Variants in TCOF1 observed in about 807,000 individuals in gnomAD.
TCOF1 encodes the protein treacle protein.
A neutral mutation model predicts 149.0 loss-of-function variants in TCOF1; 33 were observed. The ratio of observed to expected loss-of-function variants is 0.22; its 90% confidence interval spans 0.17 to 0.30. The LOEUF is 0.30. TCOF1 is among the 10% of genes least tolerant of loss of function. TCOF1 has a pLI of 1.00. For missense variants in TCOF1, 1,728 were observed against 1,840.7 expected, an observed-to-expected ratio of 0.94 and a Z score of 1.12; for synonymous variants, 789 against 738.8, an observed-to-expected ratio of 1.07 and a Z score of -1.10.
chr5:150,398,205 A>G (rs1212596416), intron 24 of TCOF1, 149 bp from the exon 25 acceptor site: 107 of 1,525,424 alleles, frequency 7.0e-5, no homozygotes, highest in Non-Finnish European at 9.0e-5. Flanking sequence ...TGCAGGAATG[A>G]ACCTCCACGC....
chr5:150,373,032 C>T (rs1259569407), intron 7 of TCOF1, among the ~76,000 whole-genome samples: 1 of 152,158 alleles, frequency 6.6e-6, no homozygotes, highest in East Asian at 1.9e-4. Flanking sequence ...TTTGCAGTGT[C>T]TGGGGGCTAC....
intron 2 of TCOF1, 81 bp from the exon 3 acceptor site, chr5:150,364,032 A>G (rs1361116536): frequency 6.2e-7 from 1 of 1,602,784 alleles, no homozygotes; most frequent in Non-Finnish European, 8.5e-7. Context: ...AGCTGGAAGG[A>G]TGCGGGAAGG....
intron 17 of TCOF1, among the ~76,000 whole-genome samples, chr5:150,385,461 G>A (rs1766084289): frequency 1.3e-5 from 2 of 152,182 alleles, no homozygotes; most frequent in South Asian, 4.1e-4. Context: ...GGTTGGTGGG[G>A]TGGACCTTGA....
At position 150,364,814 on chromosome 5, in the gene TCOF1, A is replaced by G. The variant is rs541958384; in HGVS notation, c.304+562A>G. 518 of 155,746 alleles carry G rather than the reference A, an allele frequency of 3.3e-3. 2 individuals are homozygous for G. The highest frequency in any genetic ancestry group is 0.012 in the African/African-American group (497 of 41,568). The allele number at this position is 155,746 out of a possible 1,614,324, so 9.6% of individuals were successfully genotyped here. A position where few individuals can be genotyped will look rare whatever the true frequency, so the allele number is the denominator to read the frequency against. On this transcript the variant is annotated intron_variant, in intron 3 of 26. Transcript: ENST00000643257. ...TTTCCCCAACAGCAGCCATAACTCT[A>G]CAGAGGAATTGCTGTGTCTCCTTTG...
intron 6 of TCOF1, among the ~76,000 whole-genome samples, chr5:150,370,648 G>A (rs1010425170): frequency 3.3e-5 from 5 of 152,112 alleles, no homozygotes; most frequent in African/African-American, 9.7e-5. Flanking sequence ...GAGCCGCCAC[G>A]CCTGGCCAAA....
rs764968257 is a variant in TCOF1 at position 150,379,428 on chromosome 5, G to A, written c.2658+20G>A. 1 of 1,613,996 alleles carries A rather than the reference G, an allele frequency of 6.2e-7. No individual in the cohort carries two copies. ...GCTCAGGTGAGGGGGAGGGAATGGAGATCATCCCCTACATGGGATGTAACA... is the reference window on the plus strand; with the variant it reads ...GCTCAGGTGAGGGGGAGGGAATGGAAATCATCCCCTACATGGGATGTAACA... On this transcript the variant is annotated intron_variant, in intron 16 of 26. Transcript: ENST00000643257.
Position 150,390,010 on chromosome 5 carries a change from G to T in TCOF1, c.3170G>T (p.Gly1057Val). 1 of 1,609,302 alleles carries T rather than the reference G, an allele frequency of 6.2e-7. No homozygotes were observed. Among genetic ancestry groups the T allele is most frequent in the South Asian group, 1.1e-5 (1 of 90,738 alleles). ...SRISDGKKQE[G>V]PATQVSKKNP... is the part of the protein sequence containing the mutation. Reference sequence around the variant, plus strand: ...ATATCAGATGGCAAGAAACAGGAGGGACCAGCCACTCAGGTACCTGGTGGG... The same window carrying T: ...ATATCAGATGGCAAGAAACAGGAGGTACCAGCCACTCAGGTACCTGGTGGG... The change falls in exon 19 of 27, where the codon GGA becomes GTA. Residue 1057 changes from glycine (G) to valine (V), a missense_variant. Physicochemically the swap from Gly to Val is moderately radical, Grantham distance 109. Coordinates refer to ENST00000643257, the MANE Select transcript of TCOF1 (RefSeq NM_001371623.1).
At position 150,379,204 on chromosome 5, in the gene TCOF1, A is replaced by G. The variant is rs752635772; in HGVS notation, c.2479-25A>G. 5.6e-6 allele frequency: 9 copies of G among 1,614,144 alleles called. No individual in the cohort carries two copies. In the South Asian group the frequency reaches 9.9e-5, roughly 18 times the overall value. On this transcript the variant is annotated intron_variant, in intron 15 of 26. Transcript: ENST00000643257. ...CTGAAAGGAATCACTTTTGCCTCCA[A>G]TACTATTATCCCCCTGCAATTCAGG... is the stretch of plus-strand genomic sequence containing the variant.
intron 17 of TCOF1, chr5:150,380,143 G>A: frequency 1.7e-5 from 4 of 235,816 alleles, no homozygotes; most frequent in Non-Finnish European, 2.6e-5. Context: ...AAGAAAGGAA[G>A]GCCAGGTTAA....
At position 150,396,412 on chromosome 5, in the gene TCOF1, G is replaced by A; in HGVS notation, c.3915G>A (p.Trp1305Ter). The A allele has an allele frequency of 6.2e-7, 1 of 1,614,046 alleles. No homozygotes were observed. The highest frequency in any genetic ancestry group is 8.5e-7 in the Non-Finnish European group (1 of 1,180,032). The change falls in exon 24 of 27, where the codon TGG (tryptophan) becomes TGA (stop). Residue 1305 changes from tryptophan (W) to a stop codon, truncating the protein, a stop_gained. Transcript: ENST00000643257. LOFTEE classifies it high-confidence loss of function. ...NITQCLLGQP[W>*]PLNEAQVQAS... ...CCCAGTGCCTCCTGGGCCAACCCTG[G>A]CCCCTGAATGAGGCCCAGGTGCAGG...
At chr5:150,389,558 A>G (rs1012187490) in intron 18 of TCOF1, among the ~76,000 whole-genome samples, 2 of 152,214 alleles carry the variant, frequency 1.3e-5, no homozygotes, top group East Asian at 3.9e-4. Context: ...CTTAGGAGAG[A>G]CGATTTTAAC....
At chr5:150,385,970 G>A (rs1272150098) in intron 17 of TCOF1, among the ~76,000 whole-genome samples, 1 of 152,150 alleles carries the variant, frequency 6.6e-6, no homozygotes, top group Non-Finnish European at 1.5e-5. Flanking sequence ...GCCCAGGCTG[G>A]GATAACTACT....
chr5:150,360,826 T>C (rs902243268), intron 1 of TCOF1, among the ~76,000 whole-genome samples: 46 of 150,296 alleles, frequency 3.1e-4, no homozygotes, highest in Non-Finnish European at 5.2e-4. Flanking sequence ...AGCCTCGATA[T>C]CCTGGGCTCA....
intron 1 of TCOF1, among the ~76,000 whole-genome samples, chr5:150,359,549 C>T (rs1405949939): frequency 6.6e-6 from 1 of 152,062 alleles, no homozygotes; most frequent in Non-Finnish European, 1.5e-5. Flanking sequence ...GTGGTGTAGG[C>T]TCTGCTCCTA....
At position 150,400,109 on chromosome 5, in the gene TCOF1, G is replaced by C. The variant is rs903268681; in HGVS notation, c.*322G>C. 6.6e-6 allele frequency: 1 copy of C among 152,416 alleles called. No homozygotes were observed. Among genetic ancestry groups the C allele is most frequent in the Admixed American group, 6.5e-5 (1 of 15,270 alleles). The allele number at this position is 152,416 out of a possible 1,614,324, so 9.4% of individuals were successfully genotyped here. On this transcript the variant is annotated 3_prime_UTR_variant, in exon 27 of 27. Coordinates refer to ENST00000643257, the MANE Select transcript of TCOF1 (RefSeq NM_001371623.1). ...CTTCCACAGACCCCACATGCCCAAA[G>C]GCCTCGGGACTTCCCACCACCTTGC...
At position 150,393,654 on chromosome 5, in the gene TCOF1, G is replaced by T. The variant is rs184957490; in HGVS notation, c.3784+102G>T. 1.8e-4 allele frequency: 270 copies of T among 1,486,790 alleles called. No homozygotes were observed. In the African/African-American group the frequency reaches 3.4e-3, roughly 19 times the overall value. 92.1% of individuals were successfully genotyped at this position (1,486,790 alleles called of 1,614,324 possible). A position where few individuals can be genotyped will look rare whatever the true frequency, so the allele number is the denominator to read the frequency against. On this transcript the variant is annotated intron_variant, in intron 23 of 26. Coordinates refer to ENST00000643257, the MANE Select transcript of TCOF1 (RefSeq NM_001371623.1). ...GCAACAGTCCTCCCAACATGGTCCTGTCTGCCCCCAGAGCCTCTCCAAGTG... is the reference window on the plus strand; with the variant it reads ...GCAACAGTCCTCCCAACATGGTCCTTTCTGCCCCCAGAGCCTCTCCAAGTG...
intron 6 of TCOF1, 102 bp from the exon 7 acceptor site, chr5:150,371,904 A>G (rs1762609023): frequency 2.8e-6 from 3 of 1,065,338 alleles, no homozygotes; most frequent in Middle Eastern, 2.0e-4. Context: ...AAATCCAGTG[A>G]CATTAGGAAA....
At chr5:150,359,825 G>A (rs907133806) in intron 1 of TCOF1, among the ~76,000 whole-genome samples, 4 of 152,196 alleles carry the variant, frequency 2.6e-5, no homozygotes, top group Non-Finnish European at 5.9e-5. Context: ...ATGATAGTTG[G>A]TGCTTGCTAT....
intron 18 of TCOF1, 96 bp from the exon 19 acceptor site, chr5:150,389,791 A>G: frequency 1.2e-6 from 2 of 1,602,842 alleles, no homozygotes; most frequent in Non-Finnish European, 1.7e-6. Flanking sequence ...ACAGCTCTAG[A>G]TCACCAGCAC....
Sources: allele counts gnomAD v4.1 joint callset (sites outside exome capture counted in the v4.1 genomes callset), GRCh38; gene constraint gnomAD v4.1.1; transcripts MANE v1.5; gene names NCBI Gene and HGNC (gene_info 2026-07-23, HGNC 2026-07-21).